The following MYL9 variants were observed in gnomAD, a reference collection of about 807,000 sequenced individuals.
MYL9 encodes myosin regulatory light polypeptide 9.
In MYL9, 7 loss-of-function variants were observed where a neutral mutation model predicts 12.8. The ratio of observed to expected loss-of-function variants is 0.55; its 90% CI spans 0.31 to 1.03. The LOEUF is 1.03. Ranked by LOEUF, MYL9 falls within the 50% of genes least tolerant of loss-of-function variation. The pLI, the probability that MYL9 is intolerant of heterozygous loss-of-function variation, is 0.05. For synonymous variants in MYL9, 81 were observed against 87.8 expected (o/e 0.92, Z 0.43); for missense variants, 190 against 242.7 (o/e 0.78, Z 1.44).
At position 36,548,033 on chromosome 20, in the gene MYL9, G is replaced by T. The variant is rs1385094882; in HGVS notation, c.186G>T (p.Gly62=). 1 of 1,605,624 alleles carries T rather than the reference G, an allele frequency of 6.2e-7. No individual in the cohort carries two copies. Among genetic ancestry groups the T allele is most frequent in the Middle Eastern group, 1.7e-4 (1 of 6,008 alleles). The change falls in exon 3 of 4, where the codon GGG becomes GGT. Residue 62 remains glycine (G), a splice_region_variant and synonymous_variant. Transcript: ENST00000279022. ...GCTGGAACACCCCACCTGCCACAGG[G>T]AAGAACCCCACAGACGAATACCTGG... ...EDLHDMLASL[G]KNPTDEYLEG...
intron 2 of MYL9, 64 bp downstream of exon 2, chr20:36,545,132 A>C: frequency 6.4e-7 from 1 of 1,562,404 alleles, no homozygotes; most frequent in East Asian, 2.2e-5. Flanking sequence ...AATCATTTAC[A>C]GGGCACCTCC....
At chr20:36,548,647 C>T (rs556748236) in intron 3 of MYL9, among the ~76,000 whole-genome samples, 8 of 152,228 alleles carry the variant, frequency 5.3e-5, no homozygotes, top group Non-Finnish European at 1.2e-4. Flanking sequence ...ATACGTTCAT[C>T]CCTGTTTTCT....
Position 36,549,241 on chromosome 20 carries a change from G to C in MYL9, c.511G>C (p.Asp171His), listed in dbSNP as rs1418276542. Reference protein sequence around the residue: ...RILKHGAKDKDD With the variant: ...RILKHGAKDKHD ...CCTCAAACATGGCGCCAAGGATAAA[G>C]ACGACTAGGCCACCCCAGCCCCCTG... Residue 171 changes from aspartate (D) to histidine (H), a missense_variant, in exon 4 of 4, where the codon GAC (aspartate) becomes CAC (histidine). Physicochemically the swap from Asp to His is moderately conservative, Grantham distance 81. Transcript: ENST00000279022. 6.2e-7 allele frequency: 1 copy of C among 1,611,456 alleles called. No homozygotes were observed. Among genetic ancestry groups the C allele is most frequent in the Non-Finnish European group, 8.5e-7 (1 of 1,178,482 alleles).
chr20:36,542,587 C>G (rs1448153688), intron 1 of MYL9, among the ~76,000 whole-genome samples: 1 of 152,192 alleles, frequency 6.6e-6, no homozygotes. Context: ...TCCACTGCCA[C>G]AGGCCCGCCT....
At chr20:36,542,335 T>C (rs954003249) in intron 1 of MYL9, among the ~76,000 whole-genome samples, 1 of 152,156 alleles carries the variant, frequency 6.6e-6, no homozygotes, top group Non-Finnish European at 1.5e-5. Context: ...CTGGAGGTCA[T>C]GGGGGCACTG....
At chr20:36,546,175 G>A (rs1160793698) in intron 2 of MYL9, among the ~76,000 whole-genome samples, 1 of 152,176 alleles carries the variant, frequency 6.6e-6, no homozygotes, top group East Asian at 1.9e-4. Context: ...AGGCCCAGAG[G>A]CAAGGCCTCC....
chr20:36,550,747 C>T lies in MYL9; in HGVS notation c.*1498C>T, dbSNP rs1569530002. Reference sequence around the variant, plus strand: ...TGAAACTCCTCATCCTGGCTCCAAACAGAGGCCCAAAAGTCCCTGGTATCA... The same window carrying T: ...TGAAACTCCTCATCCTGGCTCCAAATAGAGGCCCAAAAGTCCCTGGTATCA... On this transcript the variant is annotated 3_prime_UTR_variant, in exon 4 of 4. Transcript: ENST00000279022. 1 of 152,334 alleles carries T rather than the reference C, an allele frequency of 6.6e-6. No homozygotes were observed. Among genetic ancestry groups the T allele is most frequent in the Non-Finnish European group, 1.5e-5 (1 of 68,168 alleles). The allele number at this position is 152,334 out of a possible 1,614,324, so 9.4% of individuals were successfully genotyped here. A position where few individuals can be genotyped will look rare whatever the true frequency, so the allele number is the denominator to read the frequency against.
Position 36,551,172 on chromosome 20 carries a change from C to A in MYL9, c.*1923C>A, listed in dbSNP as rs2147901134. The A allele has an allele frequency of 6.6e-6, 1 of 152,392 alleles. No homozygotes were observed. Among genetic ancestry groups the A allele is most frequent in the East Asian group, 1.9e-4 (1 of 5,174 alleles). 9.4% of individuals were successfully genotyped at this position (152,392 alleles called of 1,614,324 possible). ...GCTTCGCACACAGGCGGGAAGAGGT[C>A]AGGACCAGTCCAGCCTCACTGGCTT... is the stretch of plus-strand genomic sequence containing the variant. On this transcript the variant is annotated 3_prime_UTR_variant, in exon 4 of 4. Coordinates refer to ENST00000279022, the MANE Select transcript of MYL9 (RefSeq NM_006097.5).
chr20:36,549,455 T>TTTTTTAATG lies in MYL9; in HGVS notation c.*206_*207insTTTTTAATG. Reference sequence around the variant, plus strand: ...CCACAGTGACCCCAGAGCCCTGGGCTATAGTCTCTGACCCCTCCAAGGAAA... The same window carrying TTTTTTAATG: ...CCACAGTGACCCCAGAGCCCTGGGCTTTTTTAATGATAGTCTCTGACCCCTCCAAGGAAA... On this transcript the variant is annotated 3_prime_UTR_variant, in exon 4 of 4. Coordinates refer to ENST00000279022, the MANE Select transcript of MYL9 (RefSeq NM_006097.5). 1 of 559,880 alleles carries TTTTTTAATG rather than the reference T, an allele frequency of 1.8e-6. No individual in the cohort carries two copies. The highest frequency in any genetic ancestry group is 3.2e-6 in the Non-Finnish European group (1 of 314,912). The allele number at this position is 559,880 out of a possible 1,614,324, so 34.7% of individuals were successfully genotyped here.
chr20:36,549,327 C>A lies in MYL9; in HGVS notation c.*78C>A. Reference sequence around the variant, plus strand: ...ACACCCGTCCATACCAGCTCCCTGCCCATGACCCTCGCTCAGGGATCCCCC... The same window carrying A: ...ACACCCGTCCATACCAGCTCCCTGCACATGACCCTCGCTCAGGGATCCCCC... On this transcript the variant is annotated 3_prime_UTR_variant, in exon 4 of 4. Coordinates refer to ENST00000279022, the MANE Select transcript of MYL9 (RefSeq NM_006097.5). 7.9e-7 allele frequency: 1 copy of A among 1,265,268 alleles called. No homozygotes were observed. Among genetic ancestry groups the A allele is most frequent in the South Asian group, 1.4e-5 (1 of 69,130 alleles). 78.4% of individuals were successfully genotyped at this position (1,265,268 alleles called of 1,614,324 possible).
intron 2 of MYL9, among the ~76,000 whole-genome samples, chr20:36,547,758 G>T (rs893804902): frequency 6.6e-6 from 1 of 152,206 alleles, no homozygotes; most frequent in Non-Finnish European, 1.5e-5. Flanking sequence ...CAGCCACAGC[G>T]AGCAGTCTGC....
Position 36,547,075 on chromosome 20 carries a change from C to A in MYL9, c.185-957C>A, listed in dbSNP as rs560465832. The stretch of plus-strand genomic sequence containing the variant: ...TATGTGAGGCTCAGGGACATGAAAA[C>A]TTCCTATTTCCAAGGCCACACCCTG... On this transcript the variant is annotated intron_variant, in intron 2 of 3. Transcript: ENST00000279022. Among the ~76,000 whole-genome samples the A allele has an allele frequency of 2.6e-5, 4 of 152,286 alleles. No individual in the cohort carries two copies. The East Asian group carries it at 7.7e-4, about 29-fold the overall frequency.
In MYL9 at chr20:36,548,144, C is replaced by T. The variant is rs751360262; in HGVS notation, c.297C>T (p.Pro99=). Residue 99 remains proline (P), a synonymous_variant, in exon 3 of 4, where the codon CCC becomes CCT. Coordinates refer to ENST00000279022, the MANE Select transcript of MYL9 (RefSeq NM_006097.5). The stretch of plus-strand genomic sequence containing the variant: ...GGGAGAAGCTGAACGGCACGGACCC[C>T]GAGGATGTGATTCGCAACGCCTTTG... ...MFGEKLNGTD[P]EDVIRNAFAC... 1.1e-5 allele frequency: 17 copies of T among 1,613,808 alleles called. 1 individual carries two copies. In the Admixed American group the frequency reaches 1.2e-4, roughly 11 times the overall value.
rs1275177866 is a variant in MYL9 at position 36,549,676 on chromosome 20, C to T, written c.*427C>T. 2 of 179,890 alleles carry T rather than the reference C, an allele frequency of 1.1e-5. No homozygotes were observed. Among genetic ancestry groups the T allele is most frequent in the African/African-American group, 4.7e-5 (2 of 42,256 alleles). 11.1% of individuals were successfully genotyped at this position (179,890 alleles called of 1,614,324 possible). ...ATGCAAGCTCACCAAGGTCCCCTCT[C>T]AGTCCCCTTCCCTACACCCTGACCG... On this transcript the variant is annotated 3_prime_UTR_variant, in exon 4 of 4. Transcript: ENST00000279022.
chr20:36,548,230 TG>T (rs755056673), intron 3 of MYL9, 37 bp downstream of exon 3: 5 of 1,576,154 alleles, frequency 3.2e-6, no homozygotes, highest in Non-Finnish European at 4.3e-6. Flanking sequence ...TGCATGCAAG[TG>T]GAACAGGGCC....
chr20:36,549,962 A>C lies in MYL9; in HGVS notation c.*713A>C, dbSNP rs1169213009. The C allele has an allele frequency of 6.6e-6, 1 of 152,350 alleles. No individual in the cohort carries two copies. Among genetic ancestry groups the C allele is most frequent in the African/African-American group, 2.4e-5 (1 of 41,392 alleles). The allele number at this position is 152,350 out of a possible 1,614,324, so 9.4% of individuals were successfully genotyped here. A position where few individuals can be genotyped will look rare whatever the true frequency, so the allele number is the denominator to read the frequency against. ...GGGAAGGACTGGGTGTCCTCCGGCCATATGGTCCCTGAAGCCTCTAGGGAC... is the reference window on the plus strand; with the variant it reads ...GGGAAGGACTGGGTGTCCTCCGGCCCTATGGTCCCTGAAGCCTCTAGGGAC... On this transcript the variant is annotated 3_prime_UTR_variant, in exon 4 of 4. Transcript: ENST00000279022.
chr20:36,546,290 G>C (rs1410889113), intron 2 of MYL9, among the ~76,000 whole-genome samples: 1 of 152,180 alleles, frequency 6.6e-6, no homozygotes, highest in African/African-American at 2.4e-5. Flanking sequence ...CATGCCGAGT[G>C]ACAGCATCCA....
rs935502483 is a variant in MYL9, at chr20:36,548,200, G to C, written c.346+7G>C. On this transcript the variant is annotated splice_region_variant and intron_variant, in intron 3 of 3. Transcript: ENST00000279022. The stretch of plus-strand genomic sequence containing the variant: ...TTCGACGAGGAAGCCTCAGGTCCGT[G>C]GCGCCCCCTACCACCACTCTGCATG... 5 of 1,601,744 alleles carry C rather than the reference G, an allele frequency of 3.1e-6. No homozygotes were observed. Among genetic ancestry groups the C allele is most frequent in the Non-Finnish European group, 4.3e-6 (5 of 1,172,362 alleles).
chr20:36,549,023 T>C, intron 3 of MYL9, 54 bp from the exon 4 acceptor site: 1 of 1,554,560 alleles, frequency 6.4e-7, no homozygotes, highest in Non-Finnish European at 8.8e-7. Context: ...ATGGGGCTGC[T>C]GTGTATGTCT....
Sources: gnomAD v4.1 joint callset for allele counts (sites outside exome capture counted in the v4.1 genomes callset) on GRCh38, gnomAD v4.1.1 for gene constraint, MANE v1.5 for transcripts, NCBI Gene and HGNC (gene_info 2026-07-23, HGNC 2026-07-21) for gene names.